MGAT1: variants seen among roughly 807,000 people sequenced by gnomAD.
MGAT1 encodes N-glycosyl-oligosaccharide-glycoprotein N-acetylglucosaminyltransferase I.
Under a neutral mutation model 31.7 loss-of-function variants are expected in MGAT1, and 14 were observed. That is an observed-to-expected ratio of 0.44 (90% CI 0.29 to 0.69). MGAT1 has a LOEUF of 0.69. MGAT1 is among the 30% of genes least tolerant of loss of function. The pLI, the probability that MGAT1 is intolerant of heterozygous loss-of-function variation, is 0.12. For missense variants in MGAT1, 557 were observed against 626.0 expected (o/e 0.89, Z 1.18); for synonymous variants, 338 against 276.0 (o/e 1.22, Z -2.23).
At position 180,815,455 on chromosome 5, in the gene MGAT1, CCAGCTCCTCT is replaced by C. The variant is rs554000023; in HGVS notation, c.-597_-588del. 447 of 152,746 alleles carry C rather than the reference CCAGCTCCTCT, an allele frequency of 2.9e-3. 7 individuals are homozygous for C. Among genetic ancestry groups the C allele is most frequent in the Admixed American group, 3.6e-3 (55 of 15,304 alleles). The allele number at this position is 152,746 out of a possible 1,614,324, so 9.5% of individuals were successfully genotyped here. A position where few individuals can be genotyped will look rare whatever the true frequency, so the allele number is the denominator to read the frequency against. On this transcript the variant is annotated 5_prime_UTR_variant, in exon 1 of 3. Coordinates refer to the MGAT1 transcript ENST00000333055. ...CAAAGTGAAATTTGCAGTGCTCCTC[CCAGCTCCTCT>C]CTCAGCAGTCCCGTTCTCAGGAAAT...
upstream of MGAT1, among the ~76,000 whole-genome samples, chr5:180,806,518 G>A (rs1450240305): frequency 6.6e-6 from 1 of 152,190 alleles, no homozygotes; most frequent in African/African-American, 2.4e-5. Flanking sequence ...GAGGCTGTCT[G>A]GCAGGGCACA....
intron 1 of MGAT1, chr5:180,809,102 G>A (rs1428092820): frequency 6.6e-6 from 1 of 151,988 alleles, no homozygotes; most frequent in Non-Finnish European, 1.5e-5. Flanking sequence ...ACATTATAAC[G>A]CTCTCTAATC....
At chr5:180,802,981 ACCCAGGACCCAAGTTTT>A (rs1270833764), upstream of MGAT1, 6 of 151,784 alleles carry the variant, frequency 4.0e-5, no homozygotes, top group Non-Finnish European at 2.9e-5. Context: ...TTCTCAGTCA[ACCCAGGACCCAAGTTTT>A]CCCAGGACCC....
chr5:180,792,779 G>GCTCCAC lies in MGAT1; in HGVS notation c.187_192dup (p.Val63_Glu64dup), dbSNP rs1768485030. ...TGCAGCAGCCCACGCTGCCGCTCCA[G>GCTCCAC]CTCCACCTCGGCGTCTTGGGCCAGG... On this transcript the variant is annotated inframe_insertion, in exon 2 of 2. Coordinates refer to ENST00000307826, the MANE Select transcript of MGAT1 (RefSeq NM_002406.4). 1.3e-6 allele frequency: 2 copies of GCTCCAC among 1,550,406 alleles called. No individual in the cohort carries two copies. Among genetic ancestry groups the GCTCCAC allele is most frequent in the Non-Finnish European group, 1.7e-6 (2 of 1,147,652 alleles).
rs1049099531 is a variant in MGAT1 at position 180,788,991 on chromosome 5, C to T, written c.*2643G>A. The T allele has an allele frequency of 2.0e-5, 3 of 152,248 alleles. No homozygotes were observed. Among genetic ancestry groups the T allele is most frequent in the Middle Eastern group, 3.2e-3 (1 of 316 alleles). 9.4% of individuals were successfully genotyped at this position (152,248 alleles called of 1,614,324 possible). A position where few individuals can be genotyped will look rare whatever the true frequency, so the allele number is the denominator to read the frequency against. ...ACCGGAAAGGGCACAATGCAGCTAT[C>T]GCCGGGCCGATTCCACGTCTGAAAT... is the stretch of plus-strand genomic sequence containing the variant. On this transcript the variant is annotated 3_prime_UTR_variant, in exon 2 of 2. Transcript: ENST00000307826.
At chr5:180,813,438 T>G (rs984557145) in intron 1 of MGAT1, among the ~76,000 whole-genome samples, 25 of 152,256 alleles carry the variant, frequency 1.6e-4, no homozygotes, top group African/African-American at 5.5e-4. Context: ...CTTTGTTACC[T>G]ATGTTACAGC....
At chr5:180,801,810 C>G (rs951222651) in intron 1 of MGAT1, among the ~76,000 whole-genome samples, 1 of 152,174 alleles carries the variant, frequency 6.6e-6, no homozygotes, top group East Asian at 1.9e-4. Context: ...AATGAGTTTC[C>G]CTTGTTAACA....
intron 1 of MGAT1, among the ~76,000 whole-genome samples, chr5:180,798,422 T>C (rs915281170): frequency 6.6e-6 from 1 of 152,180 alleles, no homozygotes; most frequent in Non-Finnish European, 1.5e-5. Context: ...TGGGACCATG[T>C]AAGGTCCACC....
intron 1 of MGAT1, among the ~76,000 whole-genome samples, chr5:180,797,686 G>A (rs1226475840): frequency 6.9e-6 from 1 of 144,986 alleles, no homozygotes; most frequent in Non-Finnish European, 1.5e-5. Flanking sequence ...CACACATGGA[G>A]TGGCTGCAGA....
Position 180,787,026 on chromosome 5 carries a change from A to AG in MGAT1, c.*4607dup, listed in dbSNP as rs1581775124. ...TGTCGAGGGAGCCAAGGTGAACAGC[A>AG]GGAAAAGGAAAGCAGTGGAGACAGA... On this transcript the variant is annotated 3_prime_UTR_variant, in exon 2 of 2. Coordinates refer to ENST00000307826, the MANE Select transcript of MGAT1 (RefSeq NM_002406.4). The AG allele has an allele frequency of 6.6e-6, 1 of 152,492 alleles. No homozygotes were observed. The highest frequency in any genetic ancestry group is 1.9e-4 in the East Asian group (1 of 5,184). The allele number at this position is 152,492 out of a possible 1,614,324, so 9.4% of individuals were successfully genotyped here. A position where few individuals can be genotyped will look rare whatever the true frequency, so the allele number is the denominator to read the frequency against.
chr5:180,792,494 T>C lies in MGAT1; in HGVS notation c.478A>G (p.Thr160Ala), dbSNP rs768754137. The C allele has an allele frequency of 6.2e-7, 1 of 1,612,800 alleles. No homozygotes were observed. The highest frequency in any genetic ancestry group is 8.5e-7 in the Non-Finnish European group (1 of 1,179,858). Residue 160 changes from threonine (T) to alanine (A), a missense_variant, in exon 2 of 2, where the codon ACG becomes GCG. Thr to Ala is a moderately conservative substitution (Grantham distance 58). Coordinates refer to ENST00000307826, the MANE Select transcript of MGAT1 (RefSeq NM_002406.4). ...QAIASYGSAV[T>A]HIRQPDLSSI... is the part of the protein sequence containing the mutation. ...CTCAGGTCGGGCTGCCGGATGTGCG[T>C]GACCGCGCTGCCGTAGGAGGCGATG...
chr5:180,798,013 T>C (rs2129059), intron 1 of MGAT1, among the ~76,000 whole-genome samples: 26,617 of 152,088 alleles, frequency 0.18, 2,921 homozygotes, highest in African/African-American at 0.31. Context: ...AGCCCAGACC[T>C]TGGCCAGCAG....
At chr5:180,799,343 GCTGGTCC>G (rs1770201150) in intron 1 of MGAT1, among the ~76,000 whole-genome samples, 1 of 152,110 alleles carries the variant, frequency 6.6e-6, no homozygotes, top group Non-Finnish European at 1.5e-5. Context: ...CTCTGCTCCA[GCTGGTCC>G]CTCATCCTGG....
At chr5:180,801,793 G>A (rs1287453081) in intron 1 of MGAT1, among the ~76,000 whole-genome samples, 1 of 152,160 alleles carries the variant, frequency 6.6e-6, no homozygotes, top group Non-Finnish European at 1.5e-5. Flanking sequence ...CTACTGCCCC[G>A]AACAGTAATG....
At chr5:180,808,938 C>T (rs1414920984) in exon 2 of MGAT1, 1 of 152,190 alleles carries the variant, frequency 6.6e-6, no homozygotes, top group Non-Finnish European at 1.5e-5. Context: ...TGGACAGATC[C>T]CAGATACTAT....
chr5:180,802,177 C>G (rs933463155), intron 1 of MGAT1, among the ~76,000 whole-genome samples: 1 of 152,180 alleles, frequency 6.6e-6, no homozygotes, highest in African/African-American at 2.4e-5. Flanking sequence ...GGGCACTGCA[C>G]GTCCCGGGGC....
At chr5:180,803,566 G>A (rs12518677), upstream of MGAT1, 11,410 of 152,404 alleles carry the variant, frequency 0.075, 536 homozygotes, top group East Asian at 0.21. Flanking sequence ...CAGGCCCACC[G>A]AGGGGAGGGA....
In MGAT1 at chr5:180,792,886, CAGA is replaced by C. The variant is rs758954674; in HGVS notation, c.83_85del (p.Phe28del). ...TGGCCTGCCAGGTGCTGGGCGCGTCCAGAAGAAGAGGAGCAGCAGGGCATTCCA... is the reference window on the plus strand; with the variant it reads ...TGGCCTGCCAGGTGCTGGGCGCGTCCAGAAGAGGAGCAGCAGGGCATTCCA... On this transcript the variant is annotated inframe_deletion, in exon 2 of 2. Coordinates refer to ENST00000307826, the MANE Select transcript of MGAT1 (RefSeq NM_002406.4). The C allele has an allele frequency of 2.5e-6, 4 of 1,602,552 alleles. No individual in the cohort carries two copies. The highest frequency in any genetic ancestry group is 2.3e-5 in the East Asian group (1 of 44,386).
At chr5:180,794,333 G>A (rs1561831893) in intron 1 of MGAT1, among the ~76,000 whole-genome samples, 1 of 151,580 alleles carries the variant, frequency 6.6e-6, no homozygotes, top group Admixed American at 6.6e-5. Flanking sequence ...AGGCTGTAGT[G>A]AGCTGTGATT....
Sources: gnomAD v4.1 joint callset for allele counts (sites outside exome capture counted in the v4.1 genomes callset) on GRCh38, gnomAD v4.1.1 for gene constraint, MANE v1.5 for transcripts, NCBI Gene and HGNC (gene_info 2026-07-23, HGNC 2026-07-21) for gene names.